Variants in FSTL4 observed in about 807,000 individuals in gnomAD.
FSTL4 encodes follistatin like 4.
Under a neutral mutation model 78.2 loss-of-function variants are expected in FSTL4, and 28 were observed. That is an observed-to-expected ratio of 0.36 (90% CI 0.27 to 0.49). The LOEUF is 0.49. Among genes scored for constraint, FSTL4 ranks in the 20% least tolerant of loss-of-function variants. The pLI is 0.98. For synonymous variants in FSTL4, 422 were observed against 440.5 expected, an observed-to-expected ratio of 0.96 and a Z score of 0.53; for missense variants, 922 against 1,084.9, an observed-to-expected ratio of 0.85 and a Z score of 2.11.
At chr5:133,522,632 A>G (rs542557758) in intron 3 of FSTL4, among the ~76,000 whole-genome samples, 4 of 152,094 alleles carry the variant, frequency 2.6e-5, no homozygotes, top group Non-Finnish European at 4.4e-5. Context: ...CACATTTCCT[A>G]TCTCAGTGGC....
At chr5:133,340,412 C>T (rs1754554971) in intron 4 of FSTL4, among the ~76,000 whole-genome samples, 1 of 152,066 alleles carries the variant, frequency 6.6e-6, no homozygotes, top group Admixed American at 6.5e-5. Flanking sequence ...TCCACAGGAT[C>T]CAGGGTAGAT....
At chr5:133,239,135 C>A (rs2126809544) in intron 7 of FSTL4, among the ~76,000 whole-genome samples, 1 of 152,342 alleles carries the variant, frequency 6.6e-6, no homozygotes, top group African/African-American at 2.4e-5. Flanking sequence ...CCTGGGCCAG[C>A]AGCTGCTGCG....
In FSTL4 at chr5:133,257,706, C is replaced by T. The variant is rs887614208; in HGVS notation, c.728-8130G>A. Among the ~76,000 whole-genome samples the T allele has an allele frequency of 3.9e-5, 6 of 152,102 alleles. No individual in the cohort carries two copies. The South Asian group carries it at 6.2e-4, about 16-fold the overall frequency. ...GCTGAGGTGGAGAGCACAGGGCCTC[C>T]TGGTCAGCAGGAGCATGGCTGTCAC... On this transcript the variant is annotated intron_variant, in intron 6 of 15. Coordinates refer to ENST00000265342, the MANE Select transcript of FSTL4 (RefSeq NM_015082.2).
intron 4 of FSTL4, among the ~76,000 whole-genome samples, chr5:133,320,193 CCTCCAGCTCAGT>C (rs1232483616): frequency 6.6e-6 from 1 of 152,222 alleles, no homozygotes; most frequent in Non-Finnish European, 1.5e-5. Context: ...AAAGCTGCAG[CCTCCAGCTCAGT>C]CTCCCTGGAT....
the FSTL4 span, among the ~76,000 whole-genome samples, chr5:133,719,016 T>C: frequency 6.6e-5 from 10 of 152,218 alleles, no homozygotes; most frequent in African/African-American, 2.4e-4. Context: ...AAAAATATTT[T>C]GGGGGGAAAA....
the FSTL4 span, among the ~76,000 whole-genome samples, chr5:133,787,409 G>A: frequency 3.0e-4 from 46 of 152,180 alleles, no homozygotes; most frequent in African/African-American, 1.1e-3. Flanking sequence ...AACATGGGAA[G>A]GGGCAGTCTG....
At chr5:133,689,942 TC>T in the FSTL4 span, among the ~76,000 whole-genome samples, 1,908 of 152,076 alleles carry the variant, frequency 0.013, 51 homozygotes, top group African/African-American at 0.043. Flanking sequence ...ACACCTGTAA[TC>T]CCAGCCACTC....
At chr5:133,385,579 C>T (rs962026684) in intron 4 of FSTL4, among the ~76,000 whole-genome samples, 1 of 152,218 alleles carries the variant, frequency 6.6e-6, no homozygotes, top group Non-Finnish European at 1.5e-5. Flanking sequence ...TAGTTAGCAG[C>T]TCGGTCCTGA....
chr5:133,375,311 T>TATATATATAA (rs1298027325), intron 4 of FSTL4, among the ~76,000 whole-genome samples: 1 of 138,464 alleles, frequency 7.2e-6, no homozygotes, highest in Admixed American at 7.7e-5. Flanking sequence ...TATATATATA[T>TATATATATAA]AAAAGACTCT....
At chr5:133,614,945 G>A (rs1056802247), upstream of FSTL4, among the ~76,000 whole-genome samples, 100 of 152,172 alleles carry the variant, frequency 6.6e-4, no homozygotes, top group Admixed American at 3.6e-3. Context: ...ATTTTTTTAC[G>A]TTGCTGGTTT....
At chr5:133,491,750 T>C (rs887871182) in intron 3 of FSTL4, among the ~76,000 whole-genome samples, 2 of 152,172 alleles carry the variant, frequency 1.3e-5, no homozygotes, top group African/African-American at 4.8e-5. Flanking sequence ...ATTAATTTCA[T>C]TTCAAATTTT....
chr5:133,248,855 A>T (rs1035399294), intron 7 of FSTL4: 3 of 160,194 alleles, frequency 1.9e-5, no homozygotes, highest in African/African-American at 7.2e-5. Flanking sequence ...CTCTGGCCTG[A>T]CCTGGTTTCC....
intron 3 of FSTL4, among the ~76,000 whole-genome samples, chr5:133,409,974 C>A (rs1163975743): frequency 6.6e-6 from 1 of 152,204 alleles, no homozygotes; most frequent in Non-Finnish European, 1.5e-5. Context: ...AATTATCCCA[C>A]ATCTGTGAAT....
intron 3 of FSTL4, among the ~76,000 whole-genome samples, chr5:133,480,955 G>A (rs1407013488): frequency 6.6e-6 from 1 of 152,154 alleles, no homozygotes; most frequent in Non-Finnish European, 1.5e-5. Context: ...CACATTTACG[G>A]CCCCGTGTGT....
chr5:133,781,755 C>T, the FSTL4 span, among the ~76,000 whole-genome samples: 3 of 152,230 alleles, frequency 2.0e-5, no homozygotes, highest in Non-Finnish European at 4.4e-5. Context: ...CCCAGCTGAG[C>T]TTGCCAACAA....
At chr5:133,493,776 T>C (rs1758316657) in intron 3 of FSTL4, among the ~76,000 whole-genome samples, 2 of 152,230 alleles carry the variant, frequency 1.3e-5, no homozygotes, top group Admixed American at 1.3e-4. Context: ...AGTCCAGTCA[T>C]ATATTTAGAA....
intron 4 of FSTL4, among the ~76,000 whole-genome samples, chr5:133,344,446 T>C (rs1307318130): frequency 6.6e-6 from 1 of 152,228 alleles, no homozygotes; most frequent in Non-Finnish European, 1.5e-5. Flanking sequence ...GGCAGAAAGA[T>C]ACAGTGAACC....
At chr5:133,591,730 G>A (rs1362799865) in intron 2 of FSTL4, among the ~76,000 whole-genome samples, 1 of 152,080 alleles carries the variant, frequency 6.6e-6, no homozygotes, top group East Asian at 1.9e-4. Context: ...TACACTCAGA[G>A]CTCTCTGGAA....
chr5:133,442,998 C>A (rs1757191414), intron 3 of FSTL4, among the ~76,000 whole-genome samples: 1 of 152,236 alleles, frequency 6.6e-6, no homozygotes, highest in South Asian at 2.1e-4. Flanking sequence ...AAGAATACTT[C>A]TGAAGATTCC....
Sources: gnomAD v4.1 joint callset for allele counts (sites outside exome capture counted in the v4.1 genomes callset) on GRCh38, gnomAD v4.1.1 for gene constraint, MANE v1.5 for transcripts, NCBI Gene and HGNC (gene_info 2026-07-23, HGNC 2026-07-21) for gene names.